Variants in PPARGC1A observed in about 807,000 individuals in gnomAD.
PPARGC1A encodes the protein PPARG coactivator 1 alpha.
Under a neutral mutation model 88.7 loss-of-function variants are expected in PPARGC1A, and 25 were observed. The observed-to-expected ratio is 0.28, with a 90% CI of 0.21 to 0.39. The LOEUF (loss-of-function observed/expected upper bound fraction) is 0.39. PPARGC1A is among the 10% of genes least tolerant of loss of function. PPARGC1A has a pLI of 1.00. For missense variants in PPARGC1A, 880 were observed against 968.7 expected (o/e 0.91, Z 1.22); for synonymous variants, 363 against 355.6 (o/e 1.02, Z -0.24).
At chr4:24,371,907 T>A in the PPARGC1A span, among the ~76,000 whole-genome samples, 1 of 151,832 alleles carries the variant, frequency 6.6e-6, no homozygotes, top group Non-Finnish European at 1.5e-5. Context: ...GACCAGATCA[T>A]GCCACTGCAC....
At chr4:24,315,049 G>A in the PPARGC1A span, among the ~76,000 whole-genome samples, 9 of 147,650 alleles carry the variant, frequency 6.1e-5, no homozygotes, top group African/African-American at 2.0e-4. Flanking sequence ...GAAATCTAAA[G>A]AGACTAAAAA....
the PPARGC1A span, among the ~76,000 whole-genome samples, chr4:24,461,648 C>T: frequency 6.6e-6 from 1 of 151,862 alleles, no homozygotes; most frequent in African/African-American, 2.4e-5. Context: ...GTCTCTCTTA[C>T]TAAATGAAAG....
chr4:24,460,645 A>T, the PPARGC1A span, among the ~76,000 whole-genome samples: 1 of 152,194 alleles, frequency 6.6e-6, no homozygotes, highest in Non-Finnish European at 1.5e-5. Flanking sequence ...CATGGTAAAG[A>T]TGATTCCATT....
At chr4:23,976,194 G>T in the PPARGC1A span, among the ~76,000 whole-genome samples, 1 of 152,186 alleles carries the variant, frequency 6.6e-6, no homozygotes, top group African/African-American at 2.4e-5. Flanking sequence ...GCAGGAAAGA[G>T]GAATCATGGG....
At chr4:24,208,144 G>A in the PPARGC1A span, among the ~76,000 whole-genome samples, 14 of 152,148 alleles carry the variant, frequency 9.2e-5, 1 homozygote, top group African/African-American at 2.2e-4. Flanking sequence ...TTATCTGGGC[G>A]CATTGGTGTG....
the PPARGC1A span, among the ~76,000 whole-genome samples, chr4:24,264,435 G>T: frequency 6.6e-6 from 1 of 152,236 alleles, no homozygotes; most frequent in Admixed American, 6.5e-5. Context: ...AGCAGAAAAG[G>T]TGCCGTGAGG....
intron 2 of PPARGC1A, among the ~76,000 whole-genome samples, chr4:23,846,215 A>C (rs1317000826): frequency 6.6e-6 from 1 of 152,196 alleles, no homozygotes; most frequent in African/African-American, 2.4e-5. Flanking sequence ...TGTGGCTCCT[A>C]TAACGATAGG....
At chr4:24,383,033 G>A in the PPARGC1A span, among the ~76,000 whole-genome samples, 5 of 152,308 alleles carry the variant, frequency 3.3e-5, no homozygotes, top group East Asian at 1.9e-4. Flanking sequence ...AGGAAGGAAC[G>A]GGCAGCAATC....
chr4:23,886,135 G>A (rs1716847602), intron 1 of PPARGC1A, among the ~76,000 whole-genome samples: 1 of 152,150 alleles, frequency 6.6e-6, no homozygotes, highest in Admixed American at 6.5e-5. Flanking sequence ...AAGTGGGGGT[G>A]TCTAAATCAG....
chr4:23,829,746 TATG>T lies in PPARGC1A; in HGVS notation c.430-164_430-162del, dbSNP rs567931443. 17 of 595,960 alleles carry T rather than the reference TATG, an allele frequency of 2.9e-5. No homozygotes were observed. In the East Asian group the frequency reaches 4.7e-4, roughly 17 times the overall value. 36.9% of individuals were successfully genotyped at this position (595,960 alleles called of 1,614,324 possible). A position where few individuals can be genotyped will look rare whatever the true frequency, so the allele number is the denominator to read the frequency against. On this transcript the variant is annotated intron_variant, in intron 3 of 12. Coordinates refer to ENST00000264867, the MANE Select transcript of PPARGC1A (RefSeq NM_013261.5). ...CTTAGCGCAATAGTGCTACAGGAAA[TATG>T]ATATTTAAAGAGTAGAAAAAAGTTT...
the PPARGC1A span, among the ~76,000 whole-genome samples, chr4:23,950,728 A>G: frequency 3.3e-5 from 5 of 152,124 alleles, no homozygotes; most frequent in African/African-American, 9.7e-5. Context: ...TGTGAGTGAT[A>G]ATCGTGGTTA....
At chr4:23,989,738 T>C in the PPARGC1A span, among the ~76,000 whole-genome samples, 1 of 151,846 alleles carries the variant, frequency 6.6e-6, no homozygotes, top group Non-Finnish European at 1.5e-5. Flanking sequence ...GTAGAAAGAA[T>C]TGCTCAACTA....
At chr4:24,336,313 G>A in the PPARGC1A span, among the ~76,000 whole-genome samples, 1 of 152,128 alleles carries the variant, frequency 6.6e-6, no homozygotes, top group Non-Finnish European at 1.5e-5. Flanking sequence ...GGATGGTGAA[G>A]GTACATCTCG....
chr4:24,321,437 G>A, the PPARGC1A span, among the ~76,000 whole-genome samples: 1 of 152,176 alleles, frequency 6.6e-6, no homozygotes, highest in Non-Finnish European at 1.5e-5. Flanking sequence ...CTGAAGACAG[G>A]TTTTCCACTA....
At chr4:24,284,359 T>G in the PPARGC1A span, among the ~76,000 whole-genome samples, 2 of 152,160 alleles carry the variant, frequency 1.3e-5, no homozygotes, top group Non-Finnish European at 2.9e-5. Context: ...CTCAAAGTCA[T>G]GACTATTGAG....
the PPARGC1A span, among the ~76,000 whole-genome samples, chr4:24,082,503 G>A: frequency 1.3e-5 from 2 of 152,132 alleles, no homozygotes; most frequent in African/African-American, 2.4e-5. Context: ...TGAGACAAGG[G>A]CCATGGAATG....
the PPARGC1A span, among the ~76,000 whole-genome samples, chr4:23,958,357 C>T: frequency 2.0e-5 from 3 of 152,168 alleles, no homozygotes; most frequent in African/African-American, 7.2e-5. Context: ...ACATGTAAGT[C>T]AGTGTACTGA....
chr4:24,327,227 C>G, the PPARGC1A span, among the ~76,000 whole-genome samples: 1 of 152,180 alleles, frequency 6.6e-6, no homozygotes, highest in Non-Finnish European at 1.5e-5. Context: ...CAGTCTCATT[C>G]CAGACACCAG....
At chr4:23,994,219 C>T in the PPARGC1A span, among the ~76,000 whole-genome samples, 3 of 152,092 alleles carry the variant, frequency 2.0e-5, no homozygotes, top group Non-Finnish European at 4.4e-5. Flanking sequence ...TATGTAATTC[C>T]TGTGTTGTAG....
Sources: gnomAD v4.1 joint callset for allele counts (sites outside exome capture counted in the v4.1 genomes callset) on GRCh38, gnomAD v4.1.1 for gene constraint, MANE v1.5 for transcripts, NCBI Gene and HGNC (gene_info 2026-07-23, HGNC 2026-07-21) for gene names.